Variants in NEGR1 observed in about 807,000 individuals in gnomAD.
NEGR1 encodes the protein IgLON family member 4.
NEGR1 carries 10 observed loss-of-function variants against 40.9 expected under a neutral mutation model. The ratio of observed to expected loss-of-function variants is 0.24; its 90% confidence interval spans 0.15 to 0.42. NEGR1 has a LOEUF of 0.42. Among genes scored for constraint, NEGR1 ranks in the 10% least tolerant of loss-of-function variants. The pLI is 1.00. For missense variants in NEGR1, 352 were observed against 438.9 expected, an observed-to-expected ratio of 0.80 and a Z score of 1.77; for synonymous variants, 185 against 166.8, an observed-to-expected ratio of 1.11 and a Z score of -0.84.
intron 6 of NEGR1, chr1:71,489,859 A>G (rs1203038853): frequency 2.0e-5 from 3 of 151,868 alleles, no homozygotes; most frequent in Admixed American, 6.6e-5. Context: ...GATTTGCTAC[A>G]TTGTTCTCAA....
chr1:72,034,837 G>A (rs1000451447), intron 1 of NEGR1, among the ~76,000 whole-genome samples: 3 of 152,056 alleles, frequency 2.0e-5, no homozygotes, highest in Non-Finnish European at 2.9e-5. Flanking sequence ...TTAATAAAAC[G>A]CAGCCCCAAA....
intron 2 of NEGR1, among the ~76,000 whole-genome samples, chr1:71,783,837 CCCGT>C (rs922166201): frequency 1.6e-4 from 22 of 136,950 alleles, no homozygotes; most frequent in African/African-American, 4.7e-4. Context: ...CATCCATCCA[CCCGT>C]CCATCCATCC....
intron 6 of NEGR1, among the ~76,000 whole-genome samples, chr1:71,528,926 A>G (rs1285975381): frequency 6.6e-6 from 1 of 151,280 alleles, no homozygotes; most frequent in Non-Finnish European, 1.5e-5. Flanking sequence ...GTGACACTGT[A>G]CAAGTCCAAC....
intron 3 of NEGR1, among the ~76,000 whole-genome samples, chr1:71,752,624 T>C (rs999326235): frequency 6.6e-6 from 1 of 151,912 alleles, no homozygotes; most frequent in African/African-American, 2.4e-5. Flanking sequence ...CAAAATTTTG[T>C]TTAATATATT....
intron 2 of NEGR1, among the ~76,000 whole-genome samples, chr1:71,924,396 T>C (rs1645751743): frequency 6.6e-6 from 1 of 152,184 alleles, no homozygotes; most frequent in Admixed American, 6.6e-5. Flanking sequence ...GCCTGCTCTT[T>C]TAAAATGGGC....
At chr1:71,603,107 C>CT (rs1284743940) in intron 5 of NEGR1, among the ~76,000 whole-genome samples, 1 of 151,858 alleles carries the variant, frequency 6.6e-6, no homozygotes, top group East Asian at 1.9e-4. Flanking sequence ...AATTCAAGAA[C>CT]TTTTCTTTCC....
At chr1:71,943,064 G>GTA (rs745544128) in intron 1 of NEGR1, among the ~76,000 whole-genome samples, 3,128 of 122,218 alleles carry the variant, frequency 0.026, 131 homozygotes, top group Middle Eastern at 0.036. Context: ...ATATGTGTGT[G>GTA]TATATATATG....
chr1:71,910,452 T>C (rs1661394418), intron 2 of NEGR1, among the ~76,000 whole-genome samples: 1 of 152,220 alleles, frequency 6.6e-6, no homozygotes, highest in African/African-American at 2.4e-5. Flanking sequence ...CTAACCCTGA[T>C]TGATTATACA....
At chr1:71,622,946 G>A (rs933277861) in intron 4 of NEGR1, among the ~76,000 whole-genome samples, 1 of 151,692 alleles carries the variant, frequency 6.6e-6, no homozygotes, top group African/African-American at 2.4e-5. Flanking sequence ...TTACTGAATG[G>A]TTTATTATTT....
chr1:72,090,854 C>G (rs981125007), intron 1 of NEGR1, among the ~76,000 whole-genome samples: 2 of 152,102 alleles, frequency 1.3e-5, no homozygotes, highest in African/African-American at 4.8e-5. Flanking sequence ...TCTGGAAAAA[C>G]AAGGGACTAG....
chr1:71,674,689 A>G (rs1207100127), intron 4 of NEGR1, among the ~76,000 whole-genome samples: 2 of 151,998 alleles, frequency 1.3e-5, no homozygotes, highest in Non-Finnish European at 2.9e-5. Flanking sequence ...CAATGAGTTA[A>G]GAGGACAAAT....
At chr1:72,149,427 A>C (rs1651034057) in intron 1 of NEGR1, among the ~76,000 whole-genome samples, 1 of 152,142 alleles carries the variant, frequency 6.6e-6, no homozygotes, top group Non-Finnish European at 1.5e-5. Context: ...TGAAATTGTA[A>C]AGCAGACGAA....
chr1:71,499,041 C>A (rs918201600), intron 6 of NEGR1, among the ~76,000 whole-genome samples: 1 of 152,112 alleles, frequency 6.6e-6, no homozygotes, highest in African/African-American at 2.4e-5. Context: ...AATACCTTGA[C>A]AAAAATTCAG....
At chr1:71,683,419 C>T (rs894899179) in intron 4 of NEGR1, among the ~76,000 whole-genome samples, 1 of 141,014 alleles carries the variant, frequency 7.1e-6, no homozygotes. Context: ...GTTCTCATTT[C>T]AATTAATTTT....
At chr1:72,089,152 C>A (rs1648352793) in intron 1 of NEGR1, among the ~76,000 whole-genome samples, 1 of 152,068 alleles carries the variant, frequency 6.6e-6, no homozygotes, top group Non-Finnish European at 1.5e-5. Context: ...GCTGATCATC[C>A]AATGGACCAT....
chr1:71,996,081 T>C (rs1483642468), intron 1 of NEGR1, among the ~76,000 whole-genome samples: 1 of 152,104 alleles, frequency 6.6e-6, no homozygotes, highest in African/African-American at 2.4e-5. Context: ...ATTGGAAACT[T>C]CCTGGAGAAA....
intron 3 of NEGR1, among the ~76,000 whole-genome samples, chr1:71,747,931 C>T (rs1053599902): frequency 1.3e-5 from 2 of 151,726 alleles, no homozygotes; most frequent in African/African-American, 2.4e-5. Context: ...AAACTAATTC[C>T]TATCATCCAG....
In NEGR1 at chr1:72,056,276, G is replaced by C. The variant is rs76058550; in HGVS notation, c.177-120965C>G. On this transcript the variant is annotated intron_variant, in intron 1 of 6. Transcript: ENST00000357731. Reference sequence around the variant, plus strand: ...GTTCAGGAGAGAGGCTTTGTGAATAGAGAGACCTTAATTTTGTACATCACA... The same window carrying C: ...GTTCAGGAGAGAGGCTTTGTGAATACAGAGACCTTAATTTTGTACATCACA... Among the ~76,000 whole-genome samples the C allele has an allele frequency of 5.8e-3, 883 of 151,340 alleles. 5 individuals are homozygous for C. The highest frequency in any genetic ancestry group is 0.02 in the African/African-American group (844 of 41,426).
At chr1:71,965,133 T>G (rs1646199889) in intron 1 of NEGR1, among the ~76,000 whole-genome samples, 1 of 152,180 alleles carries the variant, frequency 6.6e-6, no homozygotes, top group South Asian at 2.1e-4. Flanking sequence ...ATAGTTACTT[T>G]GCAATGTTCT....
Sources: allele counts gnomAD v4.1 joint callset (sites outside exome capture counted in the v4.1 genomes callset), GRCh38; gene constraint gnomAD v4.1.1; transcripts MANE v1.5; gene names NCBI Gene and HGNC (gene_info 2026-07-23, HGNC 2026-07-21).